The following DNAH17 variants were observed in gnomAD, a reference collection of about 807,000 sequenced individuals.
DNAH17 encodes the protein axonemal beta dynein heavy chain 17.
A neutral mutation model predicts 485.6 loss-of-function variants in DNAH17; 376 were observed. The ratio of observed to expected loss-of-function variants is 0.77; its 90% CI spans 0.71 to 0.84. The LOEUF is 0.84. Among genes scored for constraint, DNAH17 ranks in the 40% least tolerant of loss-of-function variants. The pLI is 0.00. For synonymous variants in DNAH17, 3,031 were observed against 2,405.9 expected (o/e 1.26, Z -7.60); for missense variants, 6,370 against 5,839.3 (o/e 1.09, Z -2.96).
intron 29 of DNAH17, 101 bp downstream of exon 29, chr17:78,507,177 G>C: frequency 7.2e-7 from 1 of 1,391,648 alleles, no homozygotes; most frequent in Non-Finnish European, 9.9e-7. Flanking sequence ...GTTTTGCCCT[G>C]TCCTGGCCAG....
chr17:78,454,487 G>T lies in DNAH17; in HGVS notation c.10389C>A (p.Ile3463=). 1.2e-6 allele frequency: 2 copies of T among 1,612,878 alleles called. No individual in the cohort carries two copies. Among genetic ancestry groups the T allele is most frequent in the Non-Finnish European group, 8.5e-7 (1 of 1,179,666 alleles). Residue 3463 remains isoleucine (I), a synonymous_variant, in exon 64 of 81, where the codon ATC becomes ATA. Transcript: ENST00000389840. ...KNKYRSELKA[I]RLGQKSYLDV... is the part of the protein sequence containing the mutation. Reference sequence around the variant, plus strand: ...GCACACACCTCTTCTGTCCCAGGCGGATGGCTTTCAGTTCACTCCTGTATT... The same window carrying T: ...GCACACACCTCTTCTGTCCCAGGCGTATGGCTTTCAGTTCACTCCTGTATT...
rs145675594 is a variant in DNAH17 at position 78,451,695 on chromosome 17, G to A, written c.10530-22C>T. On this transcript the variant is annotated intron_variant, in intron 65 of 80. Coordinates refer to ENST00000389840, the MANE Select transcript of DNAH17 (RefSeq NM_173628.4). ...GTACCTGGCGGTTGGTGGAGGAAAG[G>A]GTTAGTGGGCCTCCCAGTGACCAGG... 2,047 of 1,539,654 alleles carry A rather than the reference G, an allele frequency of 1.3e-3. 16 individuals carry two copies. In the African/African-American group the frequency reaches 0.025, roughly 19 times the overall value.
In DNAH17 at chr17:78,514,797, G is replaced by A. The variant is rs562312451; in HGVS notation, c.4090C>T (p.Gln1364Ter). Reference protein sequence around the residue: ...QNPAIRERHWQQLMQATQVKF... With the variant: ...QNPAIRERHW ...ACCTGGGTGGCCTGCATGAGCTGCT[G>A]CCAGTGGCGTTCCCGAATGGCAGGG... Residue 1364 changes from glutamine (Q) to a stop codon, truncating the protein, a stop_gained, in exon 26 of 81, where the codon CAG becomes TAG. Transcript: ENST00000389840. LOFTEE classifies it high-confidence loss of function. 2.5e-6 allele frequency: 4 copies of A among 1,613,968 alleles called. No homozygotes were observed. The African/African-American group carries it at 5.3e-5, about 22-fold the overall frequency.
chr17:78,562,275 A>G (rs1438711600), intron 11 of DNAH17, among the ~76,000 whole-genome samples: 1 of 152,152 alleles, frequency 6.6e-6, no homozygotes, highest in Non-Finnish European at 1.5e-5. Context: ...GAATTCTGGT[A>G]AGGAAGACTT....
intron 37 of DNAH17, among the ~76,000 whole-genome samples, chr17:78,496,288 G>A (rs980366889): frequency 2.8e-4 from 43 of 152,082 alleles, no homozygotes; most frequent in Non-Finnish European, 5.7e-4. Flanking sequence ...GAGGCTGGAG[G>A]ATGATTTGAG....
At chr17:78,497,515 G>A (rs563761323) in intron 37 of DNAH17, among the ~76,000 whole-genome samples, 2 of 152,340 alleles carry the variant, frequency 1.3e-5, no homozygotes, top group East Asian at 1.9e-4. Context: ...CAGAGTAGGG[G>A]CTATATAAAT....
At position 78,560,664 on chromosome 17, in the gene DNAH17, G is replaced by A. The variant is rs138978028; in HGVS notation, c.2031+76C>T. On this transcript the variant is annotated intron_variant, in intron 13 of 80. Transcript: ENST00000389840. The stretch of plus-strand genomic sequence containing the variant: ...TATAAACATCGACCTCCATAAATCC[G>A]TGCTGAGGGAACCTTGGCAGGCCCT... 5,475 of 1,427,586 alleles carry A rather than the reference G, an allele frequency of 3.8e-3. 27 individuals carry two copies. Among genetic ancestry groups the A allele is most frequent in the Middle Eastern group, 8.3e-3 (33 of 3,958 alleles). 88.4% of individuals were successfully genotyped at this position (1,427,586 alleles called of 1,614,324 possible). A position where few individuals can be genotyped will look rare whatever the true frequency, so the allele number is the denominator to read the frequency against.
intron 25 of DNAH17, among the ~76,000 whole-genome samples, chr17:78,515,479 G>C (rs896679534): frequency 6.6e-6 from 1 of 151,998 alleles, no homozygotes; most frequent in Non-Finnish European, 1.5e-5. Context: ...ACTGCACTTC[G>C]GCCTGGGTGA....
At chr17:78,549,002 G>A (rs1001873007) in intron 16 of DNAH17, among the ~76,000 whole-genome samples, 2 of 152,232 alleles carry the variant, frequency 1.3e-5, no homozygotes, top group Non-Finnish European at 2.9e-5. Flanking sequence ...GATGGGGATG[G>A]AGACACAGGA....
Position 78,572,758 on chromosome 17 carries a change from A to C in DNAH17, c.482T>G (p.Leu161Trp). The C allele has an allele frequency of 6.2e-7, 1 of 1,613,338 alleles. No individual in the cohort carries two copies. Residue 161 changes from leucine (L) to tryptophan (W), a missense_variant, in exon 3 of 81, where the codon TTG becomes TGG. Transcript: ENST00000389840. ...VMSGKIKGKT[L>W]LPIPEHLGSL... ...GCCCAGGTGCTCCGGAATAGGCAGC[A>C]AGGTTTTGCCTTTGATCTTGCCACT...
rs377466020 is a variant in DNAH17 at position 78,526,977 on chromosome 17, G to T, written c.3527C>A (p.Ala1176Glu). Residue 1176 changes from alanine to glutamate, a missense_variant, in exon 23 of 81, where the codon GCA (alanine) becomes GAA (glutamate). Coordinates refer to ENST00000389840, the MANE Select transcript of DNAH17 (RefSeq NM_173628.4). Reference protein sequence around the residue: ...LKLQELPEHWANTKKLAIQVK... With the variant: ...LKLQELPEHWENTKKLAIQVK... Reference sequence around the variant, plus strand: ...CTGAATGGCCAGTTTCTTGGTATTTGCCCAGTGCTCCGGCAGCTCCTGCGG... The same window carrying T: ...CTGAATGGCCAGTTTCTTGGTATTTTCCCAGTGCTCCGGCAGCTCCTGCGG... 3.3e-5 allele frequency: 52 copies of T among 1,583,964 alleles called. No homozygotes were observed. In the African/African-American group the frequency reaches 6.7e-4, roughly 20 times the overall value.
chr17:78,499,361 C>A, intron 36 of DNAH17: 1 of 355,122 alleles, frequency 2.8e-6, no homozygotes, highest in Non-Finnish European at 5.0e-6. Context: ...ATGGGGACTT[C>A]CTGGAGTCCC....
At chr17:78,465,816 A>C (rs1226516390) in intron 56 of DNAH17, among the ~76,000 whole-genome samples, 1 of 148,512 alleles carries the variant, frequency 6.7e-6, no homozygotes, top group African/African-American at 2.6e-5. Flanking sequence ...GTGGGGGGTC[A>C]GCCCCCCGCC....
rs770075225 is a variant in DNAH17 at position 78,425,552 on chromosome 17, G to A, written c.12935C>T (p.Thr4312Ile). Residue 4312 changes from threonine (T) to isoleucine (I), a missense_variant, in exon 80 of 81, where the codon ACA becomes ATA. Thr to Ile is a moderately conservative substitution (Grantham distance 89). Coordinates refer to ENST00000389840, the MANE Select transcript of DNAH17 (RefSeq NM_173628.4). The part of the protein sequence containing the change: ...LRIRELEAWT[T>I]DFALPTTVWL... ...CACGGTGGTGGGCAGGGCAAAGTCT[G>A]TCGTCCAGGCCTCGAGTTCCTGCAA... 1 of 1,611,938 alleles carries A rather than the reference G, an allele frequency of 6.2e-7. No homozygotes were observed. The highest frequency in any genetic ancestry group is 1.7e-5 in the Admixed American group (1 of 59,872).
chr17:78,460,359 T>TGTGTGCATGC (rs1555659303), intron 58 of DNAH17, 102 bp from the exon 59 acceptor site: 10 of 997,434 alleles, frequency 1.0e-5, no homozygotes, highest in Non-Finnish European at 1.5e-5. Flanking sequence ...TGTGTGCATG[T>TGTGTGCATGC]ATGCACGTGC....
chr17:78,435,814 G>A lies in DNAH17; in HGVS notation c.12034-1594C>T, dbSNP rs546751674. On this transcript the variant is annotated intron_variant, in intron 74 of 80. Transcript: ENST00000389840. ...CCCCATAGCACCGTGTGTACCCCAC[G>A]CACTCATCACACTAGGGTGCTGCTT... 1.7e-4 allele frequency among the ~76,000 whole-genome samples: 26 copies of A among 152,276 alleles called. No homozygotes were observed. In the South Asian group the frequency reaches 1.9e-3, roughly 11 times the overall value.
Position 78,491,580 on chromosome 17 carries a change from G to A in DNAH17, c.6542-10C>T, listed in dbSNP as rs771550283. ...ATGGTGGAGAACAGGCCTGGGGGAG[G>A]CGCGTGGTATGACCCCGGGCCCTTC... On this transcript the variant is annotated splice_polypyrimidine_tract_variant and intron_variant, in intron 42 of 80. Coordinates refer to ENST00000389840, the MANE Select transcript of DNAH17 (RefSeq NM_173628.4). 4.3e-6 allele frequency: 7 copies of A among 1,613,210 alleles called. No individual in the cohort carries two copies. The highest frequency in any genetic ancestry group is 1.3e-5 in the African/African-American group (1 of 74,914).
At chr17:78,506,928 AC>A in intron 29 of DNAH17, 82 bp from the exon 30 acceptor site, 1 of 1,572,350 alleles carries the variant, frequency 6.4e-7, no homozygotes, top group South Asian at 1.1e-5. Flanking sequence ...GGCGAAGGAA[AC>A]TGATCATCCT....
intron 73 of DNAH17, among the ~76,000 whole-genome samples, chr17:78,438,429 A>AGGAGGGAGGAGGAGGAGGAGGAG (rs1568050654): frequency 1.6e-3 from 8 of 4,974 alleles, no homozygotes; most frequent in Admixed American, 3.3e-3. Flanking sequence ...GAGGAGAAGG[A>AGGAGGGAGGAGGAGGAGGAGGAG]GGAGGAGGAG....
Sources: allele counts gnomAD v4.1 joint callset (sites outside exome capture counted in the v4.1 genomes callset), GRCh38; gene constraint gnomAD v4.1.1; transcripts MANE v1.5; gene names NCBI Gene and HGNC (gene_info 2026-07-23, HGNC 2026-07-21).